Variants in C5 observed in about 807,000 individuals in gnomAD.
C5 encodes C3 and PZP-like alpha-2-macroglobulin domain-containing protein 4.
A neutral mutation model predicts 218.8 loss-of-function variants in C5; 140 were observed. The ratio of observed to expected loss-of-function variants is 0.64; its 90% CI spans 0.56 to 0.74. The LOEUF (loss-of-function observed/expected upper bound fraction) is 0.74, where lower values mean the gene tolerates loss of function less well. Among genes scored for constraint, C5 ranks in the 30% least tolerant of loss-of-function variants. The pLI is 0.00. For missense variants in C5, 1,700 were observed against 1,969.6 expected, an observed-to-expected ratio of 0.86 and a Z score of 2.59; for synonymous variants, 614 against 682.3, an observed-to-expected ratio of 0.90 and a Z score of 1.56.
chr9:121,071,010 T>C, the C5 span, among the ~76,000 whole-genome samples: 1 of 152,150 alleles, frequency 6.6e-6, no homozygotes, highest in African/African-American at 2.4e-5. Context: ...CTACATGTCA[T>C]TTAAAAATAA....
chr9:120,965,658 T>C (rs1412999422), intron 33 of C5, among the ~76,000 whole-genome samples: 1 of 152,204 alleles, frequency 6.6e-6, no homozygotes, highest in East Asian at 1.9e-4. Context: ...ACCCTATTCT[T>C]CACCAAATTA....
At chr9:121,055,767 G>A in the C5 span, among the ~76,000 whole-genome samples, 1 of 152,300 alleles carries the variant, frequency 6.6e-6, no homozygotes, top group East Asian at 1.9e-4. Flanking sequence ...AGGCCTTGGT[G>A]AGCCCCAATA....
At chr9:121,018,741 GA>G (rs1433909239) in intron 12 of C5, among the ~76,000 whole-genome samples, 7 of 57,154 alleles carry the variant, frequency 1.2e-4, no homozygotes, top group African/African-American at 3.8e-4. Context: ...AGGAAGGAAG[GA>G]AAGGAAGGAA....
At chr9:120,997,355 AT>A (rs138630183) in intron 21 of C5, among the ~76,000 whole-genome samples, 191 bp downstream of exon 21, 3 of 152,190 alleles carry the variant, frequency 2.0e-5, no homozygotes, top group Admixed American at 6.5e-5. Context: ...TTTATTAAAA[AT>A]TTTTAAGCAC....
At chr9:121,008,251 T>G (rs1277852740) in intron 18 of C5, among the ~76,000 whole-genome samples, 157 bp downstream of exon 18, 2 of 152,016 alleles carry the variant, frequency 1.3e-5, no homozygotes, top group East Asian at 3.9e-4. Context: ...AATAAAAATT[T>G]AAAAAAGCAA....
At chr9:120,957,410 A>G (rs1355839096) in intron 38 of C5, 42 bp from the exon 39 acceptor site, 2 of 1,432,308 alleles carry the variant, frequency 1.4e-6, no homozygotes, top group Non-Finnish European at 2.0e-6. Flanking sequence ...CAGTCTTAAT[A>G]CTATTAATGC....
chr9:121,052,626 C>T (rs981366749), upstream of C5, among the ~76,000 whole-genome samples: 1 of 152,070 alleles, frequency 6.6e-6, no homozygotes, highest in Non-Finnish European at 1.5e-5. Context: ...CAATTGTCCC[C>T]TCATGATTGA....
At chr9:121,053,147 G>A (rs139426088), upstream of C5, among the ~76,000 whole-genome samples, 147 of 152,302 alleles carry the variant, frequency 9.7e-4, 1 homozygote, top group Admixed American at 1.6e-3. Context: ...GGCCAGTGGA[G>A]AAACAGAGGC....
At chr9:121,036,285 T>C (rs1217932559) in intron 4 of C5, among the ~76,000 whole-genome samples, 1 of 152,198 alleles carries the variant, frequency 6.6e-6, no homozygotes, top group Non-Finnish European at 1.5e-5. Flanking sequence ...CTTTCTCAGG[T>C]ACTATTTTGA....
chr9:121,012,327 C>T (rs78103352), intron 17 of C5, among the ~76,000 whole-genome samples: 15,894 of 152,120 alleles, frequency 0.1, 875 homozygotes, highest in African/African-American at 0.14. Context: ...ATGGACTAGA[C>T]TGTTTATTAA....
At chr9:121,052,541 G>A (rs2047677847), upstream of C5, among the ~76,000 whole-genome samples, 1 of 150,204 alleles carries the variant, frequency 6.7e-6, no homozygotes. Context: ...TACAAATACT[G>A]CATTTCTAAA....
In C5 at chr9:120,980,075, A is replaced by G. The variant is rs2046980465; in HGVS notation, c.3658+8T>C. On this transcript the variant is annotated splice_region_variant and intron_variant, in intron 28 of 40. Transcript: ENST00000223642. ...ACTCACTGAATACATGTATGGAACA[A>G]GTTATACCTTTAACCAAAGCTTCTC... 1 of 1,613,684 alleles carries G rather than the reference A, an allele frequency of 6.2e-7. No homozygotes were observed. The highest frequency in any genetic ancestry group is 8.5e-7 in the Non-Finnish European group (1 of 1,179,586).
chr9:121,004,219 A>G (rs2047196995), intron 20 of C5, among the ~76,000 whole-genome samples: 1 of 152,078 alleles, frequency 6.6e-6, no homozygotes, highest in African/African-American at 2.4e-5. Context: ...ATAACTTTAG[A>G]AATATGTTAT....
At position 121,017,408 on chromosome 9, in the gene C5, C is replaced by G; in HGVS notation, c.1820G>C (p.Ser607Thr). ...TCCTCTTTGGACTCCATACACAGCACTGTCCACTGCTGCTAATGCCACCCA... is the reference window on the plus strand; with the variant it reads ...TCCTCTTTGGACTCCATACACAGCAGTGTCCACTGCTGCTAATGCCACCCA... ...DSWVALAAVD[S>T]AVYGVQRGAK... is the part of the protein sequence containing the mutation. Residue 607 changes from serine to threonine, a missense_variant, in exon 14 of 41, where the codon AGT becomes ACT. Transcript: ENST00000223642. 6.2e-7 allele frequency: 1 copy of G among 1,613,994 alleles called. No individual in the cohort carries two copies. Among genetic ancestry groups the G allele is most frequent in the Non-Finnish European group, 8.5e-7 (1 of 1,179,950 alleles).
At chr9:121,018,578 AAAGG>A (rs56204327) in intron 12 of C5, among the ~76,000 whole-genome samples, 7,249 of 80,736 alleles carry the variant, frequency 0.09, 465 homozygotes, top group Non-Finnish European at 0.11. Context: ...CACCAAAAAG[AAAGG>A]AAGGAAGGAA....
At chr9:121,006,087 A>G in intron 19 of C5, 29 bp from the exon 20 acceptor site, 1 of 1,611,432 alleles carries the variant, frequency 6.2e-7, no homozygotes, top group Non-Finnish European at 8.5e-7. Flanking sequence ...GCAAAGTAGA[A>G]TCATATTAGG....
chr9:121,030,299 A>G (rs2047462757), intron 7 of C5, 98 bp downstream of exon 7: 6 of 654,948 alleles, frequency 9.2e-6, no homozygotes, highest in Non-Finnish European at 1.6e-5. Flanking sequence ...ACACTTTGAT[A>G]ATAAATCACA....
In C5 at chr9:121,008,482, T is replaced by C; in HGVS notation, c.2274A>G (p.Leu758=). 2 of 1,613,066 alleles carry C rather than the reference T, an allele frequency of 1.2e-6. No individual in the cohort carries two copies. Among genetic ancestry groups the C allele is most frequent in the South Asian group, 1.1e-5 (1 of 91,066 alleles). ...QLGRLHMKTL[L]PVSKPEIRSY... is the part of the protein sequence containing the mutation. ...TCCGAATTTCTGGCTTGCTTACTGG[T>C]AACAGGGTCTTCATGTCTGGACAAA... Residue 758 remains leucine, a synonymous_variant, in exon 18 of 41, where the codon TTA becomes TTG. Coordinates refer to ENST00000223642, the MANE Select transcript of C5 (RefSeq NM_001735.3).
At chr9:120,963,033 G>C (rs2046839155) in intron 34 of C5, 66 bp from the exon 35 acceptor site, 1 of 1,177,688 alleles carries the variant, frequency 8.5e-7, no homozygotes, top group Admixed American at 1.7e-5. Flanking sequence ...GCATTCACCT[G>C]TTGATGAGAT....
Sources: gnomAD v4.1 joint callset for allele counts (sites outside exome capture counted in the v4.1 genomes callset) on GRCh38, gnomAD v4.1.1 for gene constraint, MANE v1.5 for transcripts, NCBI Gene and HGNC (gene_info 2026-07-23, HGNC 2026-07-21) for gene names.